BRWD1: variants seen among roughly 807,000 people sequenced by gnomAD.
BRWD1 encodes the protein bromodomain and WD repeat domain containing 1, also known as bromodomain and WD repeat-containing protein 1.
BRWD1 carries 82 observed loss-of-function variants against 251.2 expected under a neutral mutation model. That is an observed-to-expected ratio of 0.33 (90% CI 0.27 to 0.39). The LOEUF is 0.39. Ranked by LOEUF, BRWD1 falls within the 10% of genes least tolerant of loss-of-function variation. The pLI, the probability that BRWD1 is intolerant of heterozygous loss-of-function variation, is 1.00. For synonymous variants in BRWD1, 918 were observed against 902.8 expected (o/e 1.02, Z -0.30); for missense variants, 2,233 against 2,711.6 (o/e 0.82, Z 3.92).
rs2033476104 is a variant in BRWD1, at chr21:39,228,528, A to G, written c.3180T>C (p.Asp1060=). 1 of 1,613,120 alleles carries G rather than the reference A, an allele frequency of 6.2e-7. No homozygotes were observed. Among genetic ancestry groups the G allele is most frequent in the African/African-American group, 1.3e-5 (1 of 74,894 alleles). The change falls in exon 27 of 41, where the codon GAT becomes GAC. Residue 1060 remains aspartate, a synonymous_variant. Transcript: ENST00000342449. The stretch of plus-strand genomic sequence containing the variant: ...ACTGCCAATTCCTCTGTCTTGCTTC[A>G]TCATAAAATTGACGCAATACAAGAA... ...IDFLVLRQFY[D]EARQRNWQSC...
intron 8 of BRWD1, among the ~76,000 whole-genome samples, chr21:39,292,315 T>C (rs189562142): frequency 4.1e-4 from 62 of 152,280 alleles, no homozygotes; most frequent in African/African-American, 1.5e-3. Flanking sequence ...CCTAGCCTCC[T>C]ATTAATTTCT....
intron 19 of BRWD1, among the ~76,000 whole-genome samples, chr21:39,254,406 G>C (rs1383030961): frequency 1.4e-5 from 1 of 73,432 alleles, no homozygotes; most frequent in East Asian, 2.5e-4. Flanking sequence ...TAGTCATTTT[G>C]AAAGGACAGG....
chr21:39,292,473 G>C (rs9978953), intron 8 of BRWD1, among the ~76,000 whole-genome samples: 2 of 152,098 alleles, frequency 1.3e-5, no homozygotes, highest in Non-Finnish European at 2.9e-5. Flanking sequence ...TACATCCCAA[G>C]ATGATCAATT....
intron 31 of BRWD1, chr21:39,216,824 G>T: frequency 4.3e-6 from 1 of 233,646 alleles, no homozygotes; most frequent in Non-Finnish European, 8.5e-6. Context: ...ACAAGTACAG[G>T]ATTGTTACAC....
chr21:39,281,922 G>A (rs922929553), intron 8 of BRWD1, among the ~76,000 whole-genome samples: 5 of 73,358 alleles, frequency 6.8e-5, no homozygotes, highest in Admixed American at 1.2e-4. Flanking sequence ...ATATATATAC[G>A]TATACATACA....
chr21:39,191,676 C>G lies in BRWD1; in HGVS notation c.*4583G>C. ...AATTAAAGATCCCTTTAACTTTTACCCACTGATCAAAAAAGGTAATTTTTA... is the reference window on the plus strand; with the variant it reads ...AATTAAAGATCCCTTTAACTTTTACGCACTGATCAAAAAAGGTAATTTTTA... On this transcript the variant is annotated 3_prime_UTR_variant, in exon 41 of 41. Transcript: ENST00000342449. 1.0e-6 allele frequency: 1 copy of G among 984,376 alleles called. No individual in the cohort carries two copies. Among genetic ancestry groups the G allele is most frequent in the Non-Finnish European group, 1.2e-6 (1 of 829,336 alleles). The allele number at this position is 984,376 out of a possible 1,614,324, so 61.0% of individuals were successfully genotyped here.
At position 39,218,024 on chromosome 21, in the gene BRWD1, G is replaced by T; in HGVS notation, c.3659+128C>A. The T allele has an allele frequency of 4.8e-6, 5 of 1,039,456 alleles. No homozygotes were observed. In the South Asian group the frequency reaches 8.7e-5, roughly 18 times the overall value. 64.4% of individuals were successfully genotyped at this position (1,039,456 alleles called of 1,614,324 possible). A position where few individuals can be genotyped will look rare whatever the true frequency, so the allele number is the denominator to read the frequency against. On this transcript the variant is annotated intron_variant, in intron 31 of 40. Coordinates refer to ENST00000342449, the MANE Select transcript of BRWD1 (RefSeq NM_033656.4). ...TAGGCATCTAACACCATCTGACAATGAAAGAGAATAATGAAACAGAAAATG... is the reference window on the plus strand; with the variant it reads ...TAGGCATCTAACACCATCTGACAATTAAAGAGAATAATGAAACAGAAAATG...
chr21:39,294,806 AAC>A (rs1266880234), intron 7 of BRWD1, among the ~76,000 whole-genome samples: 1 of 152,194 alleles, frequency 6.6e-6, no homozygotes, highest in Non-Finnish European at 1.5e-5. Flanking sequence ...CCTCCTCACG[AAC>A]ACAGTCTCAA....
At chr21:39,217,015 AT>A (rs2032928463) in intron 31 of BRWD1, 1 of 20,500 alleles carries the variant, frequency 4.9e-5, no homozygotes, top group African/African-American at 1.8e-4. Flanking sequence ...CCACAAATAT[AT>A]ATATATATAT....
downstream of BRWD1, chr21:39,185,295 T>TTAAAA (rs369755854): frequency 4.2e-5 from 3 of 71,818 alleles, no homozygotes; most frequent in African/African-American, 1.5e-4. Flanking sequence ...CTGAAATTGC[T>TTAAAA]AAAAAAAAAA....
At chr21:39,312,700 C>G (rs545762452) in intron 4 of BRWD1, 141 bp downstream of exon 4, 8 of 471,250 alleles carry the variant, frequency 1.7e-5, no homozygotes, top group East Asian at 4.4e-5. Flanking sequence ...AATCTTCAGC[C>G]GGGAACGCAG....
At chr21:39,245,600 G>GTT (rs2034158134) in intron 21 of BRWD1, among the ~76,000 whole-genome samples, 10 of 79,346 alleles carry the variant, frequency 1.3e-4, no homozygotes, top group African/African-American at 5.3e-4. Flanking sequence ...TTTTTTTTTT[G>GTT]GTTTTTTTTT....
chr21:39,200,145 C>T lies in BRWD1; in HGVS notation c.4753+74G>A, dbSNP rs930757655. On this transcript the variant is annotated intron_variant, in intron 39 of 40. Coordinates refer to ENST00000342449, the MANE Select transcript of BRWD1 (RefSeq NM_033656.4). ...TTAATCTTACGTAGATGCATTAAAT[C>T]GAGAATCTATTCAATTTATAACTTT... The T allele has an allele frequency of 6.1e-5, 82 of 1,348,266 alleles. 1 individual carries two copies. The Middle Eastern group carries it at 6.4e-4, about 11-fold the overall frequency. The allele number at this position is 1,348,266 out of a possible 1,614,324, so 83.5% of individuals were successfully genotyped here. A position where few individuals can be genotyped will look rare whatever the true frequency, so the allele number is the denominator to read the frequency against.
At chr21:39,299,713 G>A (rs906795260) in intron 4 of BRWD1, among the ~76,000 whole-genome samples, 2 of 151,704 alleles carry the variant, frequency 1.3e-5, no homozygotes, top group African/African-American at 2.4e-5. Flanking sequence ...GGTGGCTCAC[G>A]CTTGTAATCC....
At chr21:39,228,131 T>C (rs147557512) in intron 27 of BRWD1, among the ~76,000 whole-genome samples, 19 of 152,092 alleles carry the variant, frequency 1.2e-4, no homozygotes, top group African/African-American at 4.3e-4. Context: ...CTACTAAAAA[T>C]ACAAAAATTA....
At chr21:39,245,973 TATG>T (rs2034175641) in intron 21 of BRWD1, among the ~76,000 whole-genome samples, 1 of 152,140 alleles carries the variant, frequency 6.6e-6, no homozygotes, top group African/African-American at 2.4e-5. Context: ...ATAGCTTACA[TATG>T]ATTATTAAAA....
Position 39,187,329 on chromosome 21 carries a change from A to G in BRWD1, c.*8930T>C, listed in dbSNP as rs1377574678. On this transcript the variant is annotated 3_prime_UTR_variant, in exon 41 of 41. Transcript: ENST00000342449. ...TCTCAGGTACCATTTTTGCTTTCAGAGTTTCACTAGGCATCTGCACTGCAT... is the reference window on the plus strand; with the variant it reads ...TCTCAGGTACCATTTTTGCTTTCAGGGTTTCACTAGGCATCTGCACTGCAT... 3 of 1,613,906 alleles carry G rather than the reference A, an allele frequency of 1.9e-6. No homozygotes were observed.
rs182304410 is a variant in BRWD1 at position 39,256,697 on chromosome 21, A to C, written c.2072-869T>G. Among the ~76,000 whole-genome samples, 513 of 152,338 alleles carry C rather than the reference A, an allele frequency of 3.4e-3. 3 individuals carry two copies. Among genetic ancestry groups the C allele is most frequent in the African/African-American group, 0.012 (496 of 41,586 alleles). On this transcript the variant is annotated intron_variant, in intron 18 of 40. Coordinates refer to ENST00000342449, the MANE Select transcript of BRWD1 (RefSeq NM_033656.4). ...AGCCTCTGAGGAGGAAGTCCTAGAC[A>C]AAGTGCTCATTTTCTTACAACAGAA...
In BRWD1 at chr21:39,250,842, A is replaced by G; in HGVS notation, c.2303T>C (p.Leu768Pro). The G allele has an allele frequency of 6.2e-7, 1 of 1,601,086 alleles. No individual in the cohort carries two copies. Among genetic ancestry groups the G allele is most frequent in the Non-Finnish European group, 8.5e-7 (1 of 1,174,806 alleles). The part of the protein sequence containing the change: ...RLEKGEEERN[L>P]YIIGRKRKTL... Reference sequence around the variant, plus strand: ...CTTTCTTTTTCTTCCTATTATATAAAGATTTCTTTCCTCTTCACCTTTCTC... The same window carrying G: ...CTTTCTTTTTCTTCCTATTATATAAGGATTTCTTTCCTCTTCACCTTTCTC... Residue 768 changes from leucine to proline, a missense_variant, in exon 20 of 41, where the codon CTT becomes CCT. Physicochemically the swap from Leu to Pro is moderately conservative, Grantham distance 98. Coordinates refer to ENST00000342449, the MANE Select transcript of BRWD1 (RefSeq NM_033656.4).
Sources: allele counts gnomAD v4.1 joint callset (sites outside exome capture counted in the v4.1 genomes callset), GRCh38; gene constraint gnomAD v4.1.1; transcripts MANE v1.5; gene names NCBI Gene and HGNC (gene_info 2026-07-23, HGNC 2026-07-21).